Variants in GABRB1 observed in about 807,000 individuals in gnomAD.
The protein encoded by GABRB1 is gamma-aminobutyric acid type A receptor subunit beta1.
GABRB1 carries 17 observed loss-of-function variants against 51.6 expected under a neutral mutation model. The ratio of observed to expected loss-of-function variants is 0.33; its 90% CI spans 0.23 to 0.49. The LOEUF (loss-of-function observed/expected upper bound fraction) is 0.49. Among genes scored for constraint, GABRB1 ranks in the 20% least tolerant of loss-of-function variants. The probability of loss-of-function intolerance (pLI) is 0.99; values close to 1 mark genes in which losing one functional copy is unlikely to be tolerated. For missense variants in GABRB1, 410 were observed against 600.6 expected (o/e 0.68, Z 3.32); for synonymous variants, 247 against 218.9 (o/e 1.13, Z -1.14).
In GABRB1 at chr4:47,001,243, C is replaced by T. The variant is rs1052184525; in HGVS notation, c.-20+7317C>T. Among the ~76,000 whole-genome samples, 16 of 152,128 alleles carry T rather than the reference C, an allele frequency of 1.1e-4. 1 individual carries two copies. Among genetic ancestry groups the T allele is most frequent in the South Asian group, 4.2e-4 (2 of 4,812 alleles). On this transcript the variant is annotated intron_variant, in intron 1 of 3. Transcript: ENST00000513567. ...CTGCAAGCTCCGCCTCCCGGGTTCA[C>T]GCCATTCTCCTGCCTCAGCCTCCCG...
At chr4:47,012,540 T>C (rs1352424593) in intron 1 of GABRB1, among the ~76,000 whole-genome samples, 1 of 152,222 alleles carries the variant, frequency 6.6e-6, no homozygotes, top group Non-Finnish European at 1.5e-5. Context: ...TAATTTGTAT[T>C]TTTGAGATTA....
intron 3 of GABRB1, among the ~76,000 whole-genome samples, chr4:47,033,970 A>C (rs568941136): frequency 5.3e-5 from 8 of 152,296 alleles, no homozygotes; most frequent in African/African-American, 1.9e-4. Flanking sequence ...ATTTAGAAAC[A>C]CTCTGAGGAA....
intron 5 of GABRB1, among the ~76,000 whole-genome samples, chr4:47,369,434 TACACACACACACAC>T (rs34999907): frequency 1.3e-5 from 2 of 149,810 alleles, no homozygotes; most frequent in Non-Finnish European, 3.0e-5. Context: ...TCTTTCTATT[TACACACACACACAC>T]ACACACACAC....
Position 47,403,270 on chromosome 4 carries a change from A to C in GABRB1, c.545-48A>C. 3 of 1,601,918 alleles carry C rather than the reference A, an allele frequency of 1.9e-6. No homozygotes were observed. In the Middle Eastern group the frequency reaches 5.6e-4, roughly 299 times the overall value. On this transcript the variant is annotated intron_variant, in intron 5 of 8. Transcript: ENST00000295454. ...CCTCTAGCTCCCAGATGGTATTCAA[A>C]ATGATTTCCTAAACTTTGTTTAACC...
At chr4:47,161,131 G>C in intron 3 of GABRB1, 118 bp from the exon 4 acceptor site, 1 of 686,934 alleles carries the variant, frequency 1.5e-6, no homozygotes, top group Non-Finnish European at 2.4e-6. Flanking sequence ...TATACCTCTA[G>C]GTGCAAATTT....
chr4:47,277,438 T>C (rs1369692751), intron 4 of GABRB1, among the ~76,000 whole-genome samples: 1 of 151,966 alleles, frequency 6.6e-6, no homozygotes, highest in African/African-American at 2.4e-5. Flanking sequence ...GAATAAGACC[T>C]ACTATTTGAT....
chr4:47,148,111 G>T (rs1206225900), intron 3 of GABRB1, among the ~76,000 whole-genome samples: 1 of 152,040 alleles, frequency 6.6e-6, no homozygotes, highest in Non-Finnish European at 1.5e-5. Flanking sequence ...GACCAAACTA[G>T]ATAGTAGCAA....
At chr4:47,201,269 A>G (rs6815369) in intron 4 of GABRB1, among the ~76,000 whole-genome samples, 129,043 of 152,016 alleles carry the variant, frequency 0.85, 54,754 homozygotes, top group Middle Eastern at 0.92. Context: ...TTTGAATAAG[A>G]AACCAAAGTT....
chr4:47,303,281 T>A (rs1386409193), intron 4 of GABRB1, among the ~76,000 whole-genome samples: 1 of 151,892 alleles, frequency 6.6e-6, no homozygotes, highest in Non-Finnish European at 1.5e-5. Context: ...TAAACATGAA[T>A]AAATTTGCAT....
At chr4:47,121,997 C>CTATTTCATAG (rs1715797917) in intron 3 of GABRB1, among the ~76,000 whole-genome samples, 1 of 151,442 alleles carries the variant, frequency 6.6e-6, no homozygotes, top group Admixed American at 6.6e-5. Context: ...AAAGGCATGT[C>CTATTTCATAG]TATTTCCTAG....
At chr4:47,170,330 A>C (rs1424298696) in intron 4 of GABRB1, among the ~76,000 whole-genome samples, 3 of 151,962 alleles carry the variant, frequency 2.0e-5, no homozygotes, top group Admixed American at 6.6e-5. Flanking sequence ...AGTCTTCATG[A>C]TAAAGCAAAG....
intron 3 of GABRB1, among the ~76,000 whole-genome samples, chr4:47,157,062 A>G (rs1717739906): frequency 6.6e-6 from 1 of 152,118 alleles, no homozygotes; most frequent in African/African-American, 2.4e-5. Context: ...TCAATGAGTC[A>G]AATTCTGTCA....
chr4:47,027,509 A>G (rs962127274), upstream of GABRB1, among the ~76,000 whole-genome samples: 3 of 151,726 alleles, frequency 2.0e-5, no homozygotes, highest in African/African-American at 7.2e-5. Context: ...GCTAAAGTAT[A>G]TTAAATAGCT....
At chr4:47,170,293 C>G (rs1428043848) in intron 4 of GABRB1, among the ~76,000 whole-genome samples, 2 of 151,680 alleles carry the variant, frequency 1.3e-5, no homozygotes, top group African/African-American at 4.8e-5. Context: ...TTTCACTATT[C>G]CTTGGAGAAT....
chr4:47,394,396 C>T (rs539258141), intron 5 of GABRB1, among the ~76,000 whole-genome samples: 1 of 152,312 alleles, frequency 6.6e-6, no homozygotes, highest in Non-Finnish European at 1.5e-5. Context: ...TGTAATTATT[C>T]TATGTTTCTA....
In GABRB1 at chr4:47,018,875, G is replaced by C. The variant is rs549335290; in HGVS notation, c.-19-13039G>C. 1.2e-4 allele frequency among the ~76,000 whole-genome samples: 19 copies of C among 152,158 alleles called. No homozygotes were observed. In the South Asian group the frequency reaches 3.1e-3, roughly 25 times the overall value. ...ATGGCAGAGGTGGAAGAAAATCCGC[G>C]TATAAGTGGACCCATGCAATACACA... On this transcript the variant is annotated intron_variant, in intron 1 of 3. Transcript: ENST00000513567.
intron 5 of GABRB1, among the ~76,000 whole-genome samples, chr4:47,332,292 G>A (rs1312381155): frequency 6.6e-6 from 1 of 152,140 alleles, no homozygotes; most frequent in Non-Finnish European, 1.5e-5. Context: ...GTGGTGCTGG[G>A]CCTGACAACA....
chr4:47,031,783 T>C (rs932858940), intron 1 of GABRB1, 52 bp downstream of exon 1: 4 of 1,561,106 alleles, frequency 2.6e-6, no homozygotes, highest in Non-Finnish European at 3.5e-6. Flanking sequence ...TCTTTTTTTC[T>C]TGGTATGTTT....
chr4:47,013,139 C>CTGTGTGTGTGTGTGTG (rs59902564), intron 1 of GABRB1, among the ~76,000 whole-genome samples: 2 of 149,006 alleles, frequency 1.3e-5, no homozygotes, highest in African/African-American at 4.9e-5. Context: ...AAATTGCATT[C>CTGTGTGTGTGTGTGTG]TGTGTGTGTG....
Sources: allele counts gnomAD v4.1 joint callset (sites outside exome capture counted in the v4.1 genomes callset), GRCh38; gene constraint gnomAD v4.1.1; transcripts MANE v1.5; gene names NCBI Gene and HGNC (gene_info 2026-07-23, HGNC 2026-07-21).